Variants in CADM2 observed in about 807,000 individuals in gnomAD.
The protein encoded by CADM2 is immunoglobulin superfamily member 4D.
In CADM2, 12 loss-of-function variants were observed where a neutral mutation model predicts 49.8. The ratio of observed to expected loss-of-function variants is 0.24; its 90% CI spans 0.15 to 0.39. CADM2 has a LOEUF of 0.39. CADM2 is among the 10% of genes least tolerant of loss of function. The pLI, the probability that CADM2 is intolerant of heterozygous loss-of-function variation, is 1.00. For synonymous variants in CADM2, 214 were observed against 175.4 expected, an observed-to-expected ratio of 1.22 and a Z score of -1.74; for missense variants, 378 against 492.3, an observed-to-expected ratio of 0.77 and a Z score of 2.20.
At chr3:85,957,511 C>T (rs1724210863) in intron 7 of CADM2, among the ~76,000 whole-genome samples, 1 of 151,742 alleles carries the variant, frequency 6.6e-6, no homozygotes, top group Admixed American at 6.6e-5. Flanking sequence ...AACACTTCAT[C>T]TCTGACCACC....
chr3:85,063,603 G>A (rs1254035776), intron 1 of CADM2, among the ~76,000 whole-genome samples: 2 of 151,806 alleles, frequency 1.3e-5, no homozygotes, highest in Non-Finnish European at 2.9e-5. Flanking sequence ...ACTAATAGAA[G>A]GTACAAAATT....
rs1292101160 is a variant in CADM2, at chr3:85,791,538, GAGAGAA to G, written c.89-10503_89-10498del. Among the ~76,000 whole-genome samples the G allele has an allele frequency of 2.5e-4, 36 of 144,670 alleles. No homozygotes were observed. In the East Asian group the frequency reaches 4.7e-3, roughly 19 times the overall value. The allele number at this position is 144,670 out of a possible 152,430, so 94.9% of individuals were successfully genotyped here. A position where few individuals can be genotyped will look rare whatever the true frequency, so the allele number is the denominator to read the frequency against. ...GTGGGGAGGGAGAGAGAGAGAGAGA[GAGAGAA>G]AGAGAGAGAGAGAGAGAGAGAGAGA... On this transcript the variant is annotated intron_variant, in intron 2 of 9. Coordinates refer to ENST00000383699, the MANE Select transcript of CADM2 (RefSeq NM_001167675.2).
At chr3:85,344,615 A>C (rs1257167786) in intron 1 of CADM2, among the ~76,000 whole-genome samples, 1 of 151,786 alleles carries the variant, frequency 6.6e-6, no homozygotes, top group African/African-American at 2.4e-5. Context: ...AGTGAGCACG[A>C]CAATTCATAG....
chr3:85,364,276 A>G (rs1427992598), intron 1 of CADM2, among the ~76,000 whole-genome samples: 1 of 152,160 alleles, frequency 6.6e-6, no homozygotes, highest in Non-Finnish European at 1.5e-5. Context: ...TTACCAATTA[A>G]ATCTGGCAGT....
chr3:85,120,366 A>G (rs1460691588), intron 1 of CADM2, among the ~76,000 whole-genome samples: 2 of 152,192 alleles, frequency 1.3e-5, no homozygotes, highest in Admixed American at 6.5e-5. Flanking sequence ...TCATTCTACT[A>G]TAAAGAAACA....
intron 8 of CADM2, among the ~76,000 whole-genome samples, chr3:86,050,782 T>C (rs1325768021): frequency 6.6e-6 from 1 of 152,136 alleles, no homozygotes; most frequent in Non-Finnish European, 1.5e-5. Flanking sequence ...GTGGCTGAGA[T>C]GCAAGGAGAA....
At chr3:85,044,393 A>G (rs1019269866) in intron 1 of CADM2, among the ~76,000 whole-genome samples, 4 of 152,148 alleles carry the variant, frequency 2.6e-5, no homozygotes, top group Non-Finnish European at 5.9e-5. Context: ...CTGCCAGGTG[A>G]TGATTTGTTA....
At chr3:85,052,728 G>A (rs2107412152) in intron 1 of CADM2, among the ~76,000 whole-genome samples, 1 of 152,046 alleles carries the variant, frequency 6.6e-6, no homozygotes, top group South Asian at 2.1e-4. Context: ...TATATAACTT[G>A]TAATTTTAAA....
Position 85,359,653 on chromosome 3 carries a change from TA to T in CADM2, c.62-366868del, listed in dbSNP as rs1559799081. 2.2e-3 allele frequency among the ~76,000 whole-genome samples: 41 copies of T among 18,738 alleles called. 2 individuals carry two copies. The highest frequency in any genetic ancestry group is 5.8e-3 in the Non-Finnish European group (21 of 3,642). The allele number at this position is 18,738 out of a possible 152,430, so 12.3% of individuals were successfully genotyped here. ...CAATGTCAGCATATATATATATATA[TA>T]TATATATATATATTTTTTTTTTTGG... On this transcript the variant is annotated intron_variant, in intron 1 of 9. Coordinates refer to ENST00000383699, the MANE Select transcript of CADM2 (RefSeq NM_001167675.2).
At chr3:85,505,216 C>T (rs1379344944) in intron 1 of CADM2, among the ~76,000 whole-genome samples, 1 of 152,246 alleles carries the variant, frequency 6.6e-6, no homozygotes, top group East Asian at 1.9e-4. Context: ...GCTCTGAGGA[C>T]TGCCAGCACG....
At chr3:85,571,859 C>T (rs1324351098) in intron 1 of CADM2, among the ~76,000 whole-genome samples, 1 of 152,126 alleles carries the variant, frequency 6.6e-6, no homozygotes, top group East Asian at 1.9e-4. Flanking sequence ...GACTTATAGT[C>T]ATGAATGAAA....
intron 3 of CADM2, among the ~76,000 whole-genome samples, chr3:85,813,798 C>A (rs1020692198): frequency 6.6e-6 from 1 of 152,048 alleles, no homozygotes; most frequent in Non-Finnish European, 1.5e-5. Flanking sequence ...AATATGGAAT[C>A]GTTTCCCCAT....
intron 1 of CADM2, among the ~76,000 whole-genome samples, chr3:85,130,361 T>C (rs1367940194): frequency 1.3e-5 from 2 of 152,148 alleles, no homozygotes; most frequent in African/African-American, 2.4e-5. Flanking sequence ...AATACAATTG[T>C]TGAAAAAAAA....
At chr3:85,866,264 T>A (rs2075717573) in intron 3 of CADM2, among the ~76,000 whole-genome samples, 1 of 152,202 alleles carries the variant, frequency 6.6e-6, no homozygotes, top group African/African-American at 2.4e-5. Flanking sequence ...CAGCATATAT[T>A]TGTGCATGCT....
chr3:85,948,154 A>T (rs1722967531), intron 7 of CADM2, among the ~76,000 whole-genome samples: 1 of 151,566 alleles, frequency 6.6e-6, no homozygotes, highest in Non-Finnish European at 1.5e-5. Context: ...GTTTGGAAAC[A>T]TTGCATATGT....
intron 1 of CADM2, among the ~76,000 whole-genome samples, chr3:85,357,415 G>T (rs2107264053): frequency 6.6e-6 from 1 of 151,832 alleles, no homozygotes; most frequent in African/African-American, 2.4e-5. Flanking sequence ...TTATAACTAG[G>T]ATCATTCTTT....
chr3:84,982,022 A>C (rs1194778940), intron 1 of CADM2, among the ~76,000 whole-genome samples: 1 of 152,156 alleles, frequency 6.6e-6, no homozygotes, highest in Admixed American at 6.6e-5. Context: ...GTGTCTTTTA[A>C]ATAATCTAAT....
At chr3:85,383,082 C>T (rs568948895) in intron 1 of CADM2, among the ~76,000 whole-genome samples, 7 of 152,244 alleles carry the variant, frequency 4.6e-5, no homozygotes, top group African/African-American at 1.7e-4. Context: ...TCAGACACTG[C>T]TGACTGTTCA....
intron 6 of CADM2, among the ~76,000 whole-genome samples, chr3:85,926,137 AAAATAAAT>A (rs6147941): frequency 0.043 from 6,166 of 143,568 alleles, 293 homozygotes; most frequent in African/African-American, 0.12. Flanking sequence ...CTCTGTCTCA[AAAATAAAT>A]AAATAAATAA....
Sources: allele counts gnomAD v4.1 joint callset (sites outside exome capture counted in the v4.1 genomes callset), GRCh38; gene constraint gnomAD v4.1.1; transcripts MANE v1.5; gene names NCBI Gene and HGNC (gene_info 2026-07-23, HGNC 2026-07-21).